The following RPH3AL variants were observed in gnomAD, a reference collection of about 807,000 sequenced individuals.
RPH3AL encodes the protein rab effector Noc2.
A neutral mutation model predicts 43.1 loss-of-function variants in RPH3AL; 38 were observed. The ratio of observed to expected loss-of-function variants is 0.88; its 90% CI spans 0.68 to 1.15. The LOEUF is 1.15. Among genes scored for constraint, RPH3AL ranks in the 50% most tolerant of loss-of-function variants. RPH3AL has a pLI of 0.00. For missense variants in RPH3AL, 462 were observed against 423.2 expected, an observed-to-expected ratio of 1.09 and a Z score of -0.81; for synonymous variants, 189 against 176.3, an observed-to-expected ratio of 1.07 and a Z score of -0.57.
chr17:276,443 G>A (rs1471042430), intron 6 of RPH3AL, among the ~76,000 whole-genome samples: 2 of 152,196 alleles, frequency 1.3e-5, no homozygotes, highest in Non-Finnish European at 2.9e-5. Context: ...TAAGGCTGGA[G>A]TGCAGTGGCA....
intron 7 of RPH3AL, among the ~76,000 whole-genome samples, chr17:232,827 G>GGC (rs1343603443): frequency 7.7e-6 from 1 of 130,180 alleles, no homozygotes; most frequent in African/African-American, 2.9e-5. Context: ...AGTCCTTTCC[G>GGC]GCGTGTGTGT....
rs2042608793 is a variant in RPH3AL, at chr17:274,558, G to A, written c.438+7210C>T. Among the ~76,000 whole-genome samples the A allele has an allele frequency of 6.6e-6, 1 of 152,254 alleles. No individual in the cohort carries two copies. Among genetic ancestry groups the A allele is most frequent in the Non-Finnish European group, 1.5e-5 (1 of 68,046 alleles). On this transcript the variant is annotated intron_variant, in intron 6 of 9. Transcript: ENST00000331302. The surrounding 1 kb of genome is among the most constrained non-coding windows in gnomAD (Gnocchi z 4.7). ...TCCTGAAGCAAGGCTGCATCTGGGA[G>A]AGCAGGGAGAGCAGGAAGAGCGGAG...
At chr17:331,774 A>G (rs754488401) in intron 2 of RPH3AL, 16 of 1,289,064 alleles carry the variant, frequency 1.2e-5, no homozygotes, top group Admixed American at 2.3e-5. Flanking sequence ...CAGAGGGCAG[A>G]AAGTCTGACC....
intron 5 of RPH3AL, among the ~76,000 whole-genome samples, chr17:303,139 C>T (rs1182150005): frequency 6.6e-6 from 1 of 152,210 alleles, no homozygotes; most frequent in Non-Finnish European, 1.5e-5. Context: ...GCGGCTCATG[C>T]CTGCATCCCA....
intron 5 of RPH3AL, among the ~76,000 whole-genome samples, chr17:296,529 C>T (rs980861899): frequency 4.6e-5 from 7 of 152,308 alleles, no homozygotes; most frequent in African/African-American, 1.4e-4. Context: ...CCAGGAGCAG[C>T]TCCTGGACCA....
intron 6 of RPH3AL, among the ~76,000 whole-genome samples, chr17:252,652 G>C (rs1189665502): frequency 6.6e-6 from 1 of 152,166 alleles, no homozygotes; most frequent in Admixed American, 6.5e-5. Flanking sequence ...CTCACGGGCA[G>C]CGCCGCAGCC....
intron 3 of RPH3AL, 66 bp downstream of exon 3, chr17:327,401 T>C (rs1377392294): frequency 2.1e-6 from 3 of 1,402,706 alleles, no homozygotes; most frequent in African/African-American, 2.8e-5. Flanking sequence ...TGAATCTTGC[T>C]GAAGACAGGA....
chr17:218,850 C>A (rs1567558912), intron 8 of RPH3AL, among the ~76,000 whole-genome samples: 1 of 152,162 alleles, frequency 6.6e-6, no homozygotes, highest in Non-Finnish European at 1.5e-5. Context: ...TCCTGGGGAC[C>A]CCATGGTGGT....
chr17:267,752 C>T (rs145370903), intron 6 of RPH3AL, among the ~76,000 whole-genome samples: 14 of 152,342 alleles, frequency 9.2e-5, no homozygotes, highest in African/African-American at 3.4e-4. Context: ...TCCCTGACCA[C>T]GTTTAGCTCT....
intron 5 of RPH3AL, among the ~76,000 whole-genome samples, chr17:305,746 G>GT (rs777654394): frequency 9.9e-5 from 15 of 151,954 alleles, no homozygotes; most frequent in Non-Finnish European, 2.2e-4. Context: ...TCTCTCCCAG[G>GT]TTACTCACAT....
chr17:262,970 G>A (rs1446190716), intron 6 of RPH3AL, among the ~76,000 whole-genome samples: 1 of 152,210 alleles, frequency 6.6e-6, no homozygotes, highest in African/African-American at 2.4e-5. Flanking sequence ...GCCCGACATG[G>A]TGGTCCCCTC....
intron 5 of RPH3AL, among the ~76,000 whole-genome samples, chr17:308,797 A>G (rs557383905): frequency 6.6e-6 from 1 of 152,288 alleles, no homozygotes; most frequent in African/African-American, 2.4e-5. Flanking sequence ...CAGAGACCCC[A>G]TCAGCACCTG....
At chr17:233,155 G>A (rs1303853774) in intron 7 of RPH3AL, among the ~76,000 whole-genome samples, 1 of 152,126 alleles carries the variant, frequency 6.6e-6, no homozygotes, top group African/African-American at 2.4e-5. Flanking sequence ...GTGTGCGTGT[G>A]TGTGCAGAGG....
chr17:249,025 A>AGAG (rs537710549), intron 6 of RPH3AL, among the ~76,000 whole-genome samples: 249 of 152,290 alleles, frequency 1.6e-3, no homozygotes, highest in Non-Finnish European at 2.7e-3. Context: ...CCTCTCCAAC[A>AGAG]GGAACAGAAA....
At chr17:332,089 G>A (rs2044785619) in intron 2 of RPH3AL, 5 of 358,844 alleles carry the variant, frequency 1.4e-5, no homozygotes, top group Middle Eastern at 1.0e-3. Context: ...ACCTCTGCGG[G>A]GAGAAGACGG....
Position 344,972 on chromosome 17 carries a change from G to C in RPH3AL, c.-213+7740C>G, listed in dbSNP as rs1419193634. Among the ~76,000 whole-genome samples, 2 of 135,842 alleles carry C rather than the reference G, an allele frequency of 1.5e-5. 1 individual carries two copies. The highest frequency in any genetic ancestry group is 3.4e-5 in the Non-Finnish European group (2 of 59,452). 89.1% of individuals were successfully genotyped at this position (135,842 alleles called of 152,430 possible). A position where few individuals can be genotyped will look rare whatever the true frequency, so the allele number is the denominator to read the frequency against. The stretch of plus-strand genomic sequence containing the variant: ...CCTGGCCTTGCTGAGAGAGGCAGGA[G>C]GCCCGTTGGTGAGGCCAAATCAAAA... On this transcript the variant is annotated intron_variant, in intron 1 of 9. Transcript: ENST00000331302.
chr17:319,434 T>C lies in RPH3AL; in HGVS notation c.337A>G (p.Lys113Glu). The C allele has an allele frequency of 6.2e-7, 1 of 1,612,364 alleles. No individual in the cohort carries two copies. The highest frequency in any genetic ancestry group is 8.5e-7 in the Non-Finnish European group (1 of 1,179,836). The stretch of plus-strand genomic sequence containing the variant: ...CAGGGTCTTACCTTCCTGCAGTCTT[T>C]GCAGAACACCGACGAGCTGCCCAGG... ...GFLGSSSVFC[K>E]DCRKKVCTKC... Residue 113 changes from lysine (K) to glutamate (E), a missense_variant, in exon 5 of 10, where the codon AAA becomes GAA. Physicochemically the swap from Lys to Glu is moderately conservative, Grantham distance 56. Coordinates refer to ENST00000331302, the MANE Select transcript of RPH3AL (RefSeq NM_006987.4).
chr17:347,720 T>C (rs1418542644), intron 1 of RPH3AL, among the ~76,000 whole-genome samples: 1 of 152,200 alleles, frequency 6.6e-6, no homozygotes, highest in Admixed American at 6.5e-5. Context: ...TGAACAGTTA[T>C]CTCTATTCAA....
At chr17:326,590 G>A (rs2044626512) in intron 3 of RPH3AL, among the ~76,000 whole-genome samples, 1 of 152,180 alleles carries the variant, frequency 6.6e-6, no homozygotes, top group Admixed American at 6.5e-5. Context: ...GGGACAGCAG[G>A]AAAACCAGGG....
Sources: allele counts gnomAD v4.1 joint callset (sites outside exome capture counted in the v4.1 genomes callset), GRCh38; gene constraint gnomAD v4.1.1; non-coding constraint Gnocchi (gnomAD v3.1); transcripts MANE v1.5; gene names NCBI Gene and HGNC (gene_info 2026-07-23, HGNC 2026-07-21).